The following SLC24A3 variants were observed in gnomAD, a reference collection of about 807,000 sequenced individuals.
SLC24A3 encodes solute carrier family 24 member 3.
SLC24A3 carries 28 observed loss-of-function variants against 75.8 expected under a neutral mutation model. That is an observed-to-expected ratio of 0.37 (90% CI 0.27 to 0.51). SLC24A3 has a LOEUF of 0.51. SLC24A3 is among the 20% of genes least tolerant of loss of function. The probability of loss-of-function intolerance (pLI) is 0.94; values close to 1 mark genes in which losing one functional copy is unlikely to be tolerated. For synonymous variants in SLC24A3, 372 were observed against 334.1 expected, an observed-to-expected ratio of 1.11 and a Z score of -1.24; for missense variants, 663 against 847.8, an observed-to-expected ratio of 0.78 and a Z score of 2.71.
intron 13 of SLC24A3, 109 bp from the exon 14 acceptor site, chr20:19,696,688 C>A: frequency 1.4e-6 from 1 of 720,224 alleles, no homozygotes; most frequent in East Asian, 2.6e-5. Context: ...CATTGCACCC[C>A]ACAGAGATAG....
intron 9 of SLC24A3, among the ~76,000 whole-genome samples, chr20:19,678,725 A>C (rs1242954204): frequency 7.1e-6 from 1 of 141,036 alleles, no homozygotes; most frequent in Non-Finnish European, 1.5e-5. Flanking sequence ...TGCCGGGCGG[A>C]GGGGCTCCTC....
chr20:19,659,554 C>T (rs1238622088), intron 7 of SLC24A3, among the ~76,000 whole-genome samples: 1 of 152,212 alleles, frequency 6.6e-6, no homozygotes, highest in Non-Finnish European at 1.5e-5. Flanking sequence ...CAGCAGGGGA[C>T]TGTGTTGGGT....
intron 1 of SLC24A3, among the ~76,000 whole-genome samples, chr20:19,250,598 A>G (rs1198588422): frequency 1.3e-5 from 2 of 152,202 alleles, no homozygotes; most frequent in Non-Finnish European, 2.9e-5. Context: ...AACTACTTCA[A>G]CCAGAAGAGA....
At chr20:19,632,338 T>G (rs1193570304) in intron 6 of SLC24A3, among the ~76,000 whole-genome samples, 1 of 152,216 alleles carries the variant, frequency 6.6e-6, no homozygotes, top group East Asian at 1.9e-4. Flanking sequence ...GAGGTGTCGG[T>G]AGGAATGTAT....
chr20:19,473,089 G>T (rs745799063), intron 2 of SLC24A3, among the ~76,000 whole-genome samples: 1 of 152,268 alleles, frequency 6.6e-6, no homozygotes, highest in South Asian at 2.1e-4. Context: ...AGTATTTCTG[G>T]CCTCTCCCCT....
intron 2 of SLC24A3, among the ~76,000 whole-genome samples, chr20:19,406,688 A>T (rs936381190): frequency 9.9e-5 from 15 of 152,196 alleles, no homozygotes; most frequent in Non-Finnish European, 2.2e-4. Flanking sequence ...AGAGGGGGAA[A>T]TCATTACATT....
chr20:19,446,045 G>T (rs979001714), intron 2 of SLC24A3, among the ~76,000 whole-genome samples: 9 of 152,160 alleles, frequency 5.9e-5, no homozygotes, highest in Non-Finnish European at 1.2e-4. Context: ...GCCCGTAGGG[G>T]TTCACTCCTT....
At chr20:19,561,409 G>A (rs1056507184) in intron 3 of SLC24A3, among the ~76,000 whole-genome samples, 1 of 152,080 alleles carries the variant, frequency 6.6e-6, no homozygotes, top group Non-Finnish European at 1.5e-5. Flanking sequence ...TGTGAAATCT[G>A]GTTTGGGTTT....
At chr20:19,633,805 T>C (rs1225061735) in intron 6 of SLC24A3, among the ~76,000 whole-genome samples, 1 of 152,146 alleles carries the variant, frequency 6.6e-6, no homozygotes, top group Non-Finnish European at 1.5e-5. Context: ...TGAATTGGGC[T>C]GGGGGAAAGG....
intron 2 of SLC24A3, among the ~76,000 whole-genome samples, chr20:19,484,793 T>C (rs1988105760): frequency 6.6e-6 from 1 of 152,204 alleles, no homozygotes; most frequent in African/African-American, 2.4e-5. Flanking sequence ...TTTAGACTAC[T>C]GAGCTGTTCA....
rs145001929 is a variant in SLC24A3, at chr20:19,480,130, G to A, written c.272-35358G>A. Among the ~76,000 whole-genome samples the A allele has an allele frequency of 1.8e-3, 280 of 152,246 alleles. 1 individual carries two copies. The highest frequency in any genetic ancestry group is 6.4e-3 in the African/African-American group (264 of 41,544). ...CATTAACAATGTTATAATCATACTC[G>A]TTTTTTGCTACCTCTTTTGGACTGA... On this transcript the variant is annotated intron_variant, in intron 2 of 16. Coordinates refer to ENST00000328041, the MANE Select transcript of SLC24A3 (RefSeq NM_020689.4).
At chr20:19,653,617 A>G (rs1189140440) in intron 6 of SLC24A3, among the ~76,000 whole-genome samples, 4 of 152,136 alleles carry the variant, frequency 2.6e-5, no homozygotes, top group African/African-American at 9.7e-5. Flanking sequence ...TCCCCTTGAT[A>G]TTAGGGATGT....
intron 6 of SLC24A3, among the ~76,000 whole-genome samples, chr20:19,641,799 C>G (rs952516883): frequency 2.0e-5 from 3 of 152,148 alleles, no homozygotes; most frequent in African/African-American, 7.2e-5. Context: ...CTAGGTGATT[C>G]CAATGTACAG....
intron 2 of SLC24A3, among the ~76,000 whole-genome samples, chr20:19,424,651 G>A (rs992700075): frequency 6.7e-6 from 1 of 149,164 alleles, no homozygotes; most frequent in Non-Finnish European, 1.5e-5. Context: ...CTAGGTTGTG[G>A]AGCCAAAAGG....
At chr20:19,533,971 G>C (rs1235507922) in intron 3 of SLC24A3, among the ~76,000 whole-genome samples, 3 of 152,234 alleles carry the variant, frequency 2.0e-5, no homozygotes, top group Non-Finnish European at 4.4e-5. Context: ...GAGCAACAAG[G>C]CTGCATAAAA....
intron 2 of SLC24A3, among the ~76,000 whole-genome samples, chr20:19,397,121 A>G (rs536965202): frequency 2.0e-5 from 3 of 152,324 alleles, no homozygotes; most frequent in African/African-American, 7.2e-5. Context: ...AACCCCACTC[A>G]ATAGAATTCA....
intron 2 of SLC24A3, among the ~76,000 whole-genome samples, chr20:19,481,945 T>A (rs1600247584): frequency 6.6e-6 from 1 of 152,056 alleles, no homozygotes; most frequent in Admixed American, 6.5e-5. Context: ...CAAACTGACC[T>A]CTAGACCCAT....
At chr20:19,382,655 G>C (rs893284583) in intron 2 of SLC24A3, among the ~76,000 whole-genome samples, 1 of 152,112 alleles carries the variant, frequency 6.6e-6, no homozygotes, top group Non-Finnish European at 1.5e-5. Context: ...CCCCCAGAGG[G>C]CATTAAGACT....
rs767291276 is a variant in SLC24A3 at position 19,281,030 on chromosome 20, G to A, written c.214G>A (p.Asp72Asn). Residue 72 changes from aspartate to asparagine, a missense_variant, in exon 2 of 17, where the codon GAC becomes AAC. Coordinates refer to ENST00000328041, the MANE Select transcript of SLC24A3 (RefSeq NM_020689.4). ...GGCGAGGAAGCTGATGCAGGTGAAC[G>A]ACACTCTGACTTCCGAAGATGCCGG... The part of the protein sequence containing the change: ...MMARKLMQVN[D>N]TLTSEDAGLR... 27 of 1,614,038 alleles carry A rather than the reference G, an allele frequency of 1.7e-5. No individual in the cohort carries two copies. Among genetic ancestry groups the A allele is most frequent in the African/African-American group, 2.7e-5 (2 of 74,912 alleles).
Sources: gnomAD v4.1 joint callset for allele counts (sites outside exome capture counted in the v4.1 genomes callset) on GRCh38, gnomAD v4.1.1 for gene constraint, MANE v1.5 for transcripts, NCBI Gene and HGNC (gene_info 2026-07-23, HGNC 2026-07-21) for gene names.